Variants in MAP2 observed in about 807,000 individuals in gnomAD.
MAP2 encodes microtubule associated protein 2.
A neutral mutation model predicts 137.6 loss-of-function variants in MAP2; 14 were observed. That is an observed-to-expected ratio of 0.10 (90% CI 0.07 to 0.16). The LOEUF is 0.16. Among genes scored for constraint, MAP2 ranks in the 10% least tolerant of loss-of-function variants. The probability of loss-of-function intolerance (pLI) is 1.00; values close to 1 mark genes in which losing one functional copy is unlikely to be tolerated. For synonymous variants in MAP2, 786 were observed against 782.3 expected, an observed-to-expected ratio of 1.00 and a Z score of -0.08; for missense variants, 2,088 against 2,191.5, an observed-to-expected ratio of 0.95 and a Z score of 0.94.
intron 3 of MAP2, among the ~76,000 whole-genome samples, chr2:209,621,257 A>ATTTTTTTTTTTTTTT (rs1186032597): frequency 2.4e-5 from 3 of 125,124 alleles, no homozygotes; most frequent in South Asian, 3.1e-4. Context: ...AGGCATCTTG[A>ATTTTTTTTTTTTTTT]TTTTTTTTTT....
At chr2:209,552,722 G>A (rs1025791927) in intron 2 of MAP2, among the ~76,000 whole-genome samples, 3 of 152,014 alleles carry the variant, frequency 2.0e-5, no homozygotes, top group East Asian at 2.0e-4. Flanking sequence ...TTAGCCGGGC[G>A]TTGTGGCACG....
At position 209,696,157 on chromosome 2, in the gene MAP2, A is replaced by G. The variant is rs770339881; in HGVS notation, c.3987A>G (p.Glu1329=). 1.9e-6 allele frequency: 3 copies of G among 1,612,798 alleles called. No homozygotes were observed. The highest frequency in any genetic ancestry group is 1.7e-5 in the Admixed American group (1 of 59,748). Residue 1329 remains glutamate (E), a synonymous_variant, in exon 8 of 16, where the codon GAA becomes GAG. Transcript: ENST00000682079. ...VERRPSPHDE[E]EFEVEEAAEA... is the part of the protein sequence containing the mutation. ...GGAGACCATCTCCTCATGATGAAGAAGAGTTTGAAGTAGAAGAGGCAGCTG... is the reference window on the plus strand; with the variant it reads ...GGAGACCATCTCCTCATGATGAAGAGGAGTTTGAAGTAGAAGAGGCAGCTG...
At chr2:209,722,209 C>G (rs901919084) in intron 13 of MAP2, among the ~76,000 whole-genome samples, 2 of 152,154 alleles carry the variant, frequency 1.3e-5, no homozygotes, top group Non-Finnish European at 2.9e-5. Context: ...TAAAAAGTAG[C>G]CCAATCATTC....
At chr2:209,447,895 A>G (rs1699457060) in intron 1 of MAP2, among the ~76,000 whole-genome samples, 2 of 152,126 alleles carry the variant, frequency 1.3e-5, no homozygotes, top group Non-Finnish European at 2.9e-5. Flanking sequence ...TGGTTAACTC[A>G]TAACTTAAAA....
intron 1 of MAP2, among the ~76,000 whole-genome samples, chr2:209,425,479 C>T (rs1692304600): frequency 6.6e-6 from 1 of 151,808 alleles, no homozygotes; most frequent in Admixed American, 6.6e-5. Flanking sequence ...ATCTGTAGTG[C>T]AAAACAAAAA....
At chr2:209,603,655 C>T (rs2083686144) in intron 3 of MAP2, among the ~76,000 whole-genome samples, 1 of 152,128 alleles carries the variant, frequency 6.6e-6, no homozygotes, top group African/African-American at 2.4e-5. Context: ...GATTTCTCAT[C>T]TTTTTATACC....
chr2:209,533,855 AG>A (rs1223606140), intron 2 of MAP2, among the ~76,000 whole-genome samples: 3 of 152,194 alleles, frequency 2.0e-5, no homozygotes, highest in Admixed American at 1.3e-4. Flanking sequence ...GACAGGGGTA[AG>A]GGGAGCCGGT....
chr2:209,686,269 G>C (rs1248399779), intron 7 of MAP2, among the ~76,000 whole-genome samples: 1 of 152,192 alleles, frequency 6.6e-6, no homozygotes, highest in African/African-American at 2.4e-5. Context: ...CATCCATCCA[G>C]AAACATCTTC....
At chr2:209,577,008 A>G (rs752773042) in intron 2 of MAP2, among the ~76,000 whole-genome samples, 3 of 152,158 alleles carry the variant, frequency 2.0e-5, no homozygotes, top group Admixed American at 6.5e-5. Context: ...ATTTTTTTAG[A>G]CTGACCAGGA....
chr2:209,427,820 G>A (rs1692991717), intron 1 of MAP2, among the ~76,000 whole-genome samples: 1 of 151,764 alleles, frequency 6.6e-6, no homozygotes, highest in Non-Finnish European at 1.5e-5. Flanking sequence ...GAGACAGTCT[G>A]TATGAAGGTT....
At position 209,715,714 on chromosome 2, in the gene MAP2, C is replaced by A. The variant is rs2067312185; in HGVS notation, c.5073+5460C>A. ...TTGGATAACTAGGTAATGAGCCTTT[C>A]AGGCAAAGGGAACCACACATCCAAA... On this transcript the variant is annotated intron_variant, in intron 13 of 15. Coordinates refer to ENST00000682079, the MANE Select transcript of MAP2 (RefSeq NM_001375505.1). 2.0e-5 allele frequency among the ~76,000 whole-genome samples: 3 copies of A among 152,174 alleles called. No individual in the cohort carries two copies. In the South Asian group the frequency reaches 6.2e-4, roughly 32 times the overall value.
intron 12 of MAP2, among the ~76,000 whole-genome samples, chr2:209,708,656 TAA>T (rs1335954713): frequency 6.6e-6 from 1 of 152,214 alleles, no homozygotes; most frequent in Non-Finnish European, 1.5e-5. Context: ...TCAGTGGCTT[TAA>T]AATTGTTATA....
chr2:209,484,967 C>A (rs537324546), intron 1 of MAP2, among the ~76,000 whole-genome samples: 46 of 152,176 alleles, frequency 3.0e-4, no homozygotes, highest in Admixed American at 3.0e-3. Context: ...GATAGAAACG[C>A]GATAGCAGTT....
intron 13 of MAP2, among the ~76,000 whole-genome samples, chr2:209,719,360 A>G (rs1266771371): frequency 1.3e-5 from 2 of 152,206 alleles, no homozygotes. Context: ...TGTTAAAGAG[A>G]GCAGTGTTAG....
At chr2:209,512,881 A>C (rs572122441) in intron 2 of MAP2, among the ~76,000 whole-genome samples, 63 of 152,176 alleles carry the variant, frequency 4.1e-4, no homozygotes, top group African/African-American at 1.3e-3. Context: ...ATCTGACATG[A>C]AGTGACCCTC....
At chr2:209,498,444 C>CCCCTT (rs1325150859) in intron 1 of MAP2, among the ~76,000 whole-genome samples, 2 of 152,132 alleles carry the variant, frequency 1.3e-5, no homozygotes, top group African/African-American at 4.8e-5. Context: ...GGGTGGTGAC[C>CCCCTT]CCCTTCTCAC....
rs150919973 is a variant in MAP2, at chr2:209,427,794, A to T, written c.-222+3518A>T. On this transcript the variant is annotated intron_variant, in intron 1 of 15. Transcript: ENST00000682079. ...CTGCAAATTAATATGTAGTACACAA[A>T]AGGCCAAAGTCAAGGGAGACAGTCT... is the stretch of plus-strand genomic sequence containing the variant. Among the ~76,000 whole-genome samples the T allele has an allele frequency of 1.1e-3, 160 of 152,224 alleles. 1 individual carries two copies. The highest frequency in any genetic ancestry group is 3.6e-3 in the African/African-American group (150 of 41,506).
chr2:209,508,608 AC>A (rs2061368694), intron 2 of MAP2, among the ~76,000 whole-genome samples: 10 of 151,564 alleles, frequency 6.6e-5, no homozygotes, highest in Admixed American at 2.6e-4. Context: ...ACACACACAC[AC>A]ACAGAGATGA....
intron 3 of MAP2, among the ~76,000 whole-genome samples, chr2:209,593,200 C>G (rs1336236408): frequency 2.6e-5 from 4 of 152,036 alleles, no homozygotes; most frequent in African/African-American, 9.7e-5. Context: ...TCAAATCTCT[C>G]TGAGAAAAAT....
Sources: gnomAD v4.1 joint callset for allele counts (sites outside exome capture counted in the v4.1 genomes callset) on GRCh38, gnomAD v4.1.1 for gene constraint, MANE v1.5 for transcripts, NCBI Gene and HGNC (gene_info 2026-07-23, HGNC 2026-07-21) for gene names.